Variants in SNX30 observed in about 807,000 individuals in gnomAD.
The protein encoded by SNX30 is sorting nexin-30.
In SNX30, 24 loss-of-function variants were observed where a neutral mutation model predicts 46.4. That is an observed-to-expected ratio of 0.52 (90% CI 0.37 to 0.73). The LOEUF (loss-of-function observed/expected upper bound fraction) is 0.73. Among genes scored for constraint, SNX30 ranks in the 30% least tolerant of loss-of-function variants. The pLI, the probability that SNX30 is intolerant of heterozygous loss-of-function variation, is 0.00. For synonymous variants in SNX30, 189 were observed against 211.5 expected (o/e 0.89, Z 0.92); for missense variants, 533 against 555.7 (o/e 0.96, Z 0.41).
At chr9:112,815,023 G>C (rs984551513) in intron 2 of SNX30, among the ~76,000 whole-genome samples, 4 of 152,180 alleles carry the variant, frequency 2.6e-5, no homozygotes, top group African/African-American at 9.7e-5. Context: ...CAGACAATGA[G>C]TAAATGAATG....
At chr9:112,761,287 C>T (rs547504268) in intron 1 of SNX30, among the ~76,000 whole-genome samples, 2 of 152,200 alleles carry the variant, frequency 1.3e-5, no homozygotes, top group Non-Finnish European at 2.9e-5. Flanking sequence ...CTCAGCCTCC[C>T]GAGTAGCTGG....
Position 112,836,284 on chromosome 9 carries a change from C to G in SNX30, c.689C>G (p.Thr230Ser), listed in dbSNP as rs925994105. 3 of 1,613,142 alleles carry G rather than the reference C, an allele frequency of 1.9e-6. No homozygotes were observed. The African/African-American group carries it at 4.0e-5, about 22-fold the overall frequency. Residue 230 changes from threonine (T) to serine (S), a missense_variant, in exon 5 of 9, where the codon ACT becomes AGT. Thr to Ser is a moderately conservative substitution (Grantham distance 58). Transcript: ENST00000374232. Reference sequence around the variant, plus strand: ...ATGGGCGAGTCAGTCAAGCACGTCACTGGCGGCTACAAGCTGAGGACTCGG... The same window carrying G: ...ATGGGCGAGTCAGTCAAGCACGTCAGTGGCGGCTACAAGCTGAGGACTCGG... ...TRMGESVKHV[T>S]GGYKLRTRPL...
At chr9:112,829,032 T>G (rs1262452253) in intron 3 of SNX30, among the ~76,000 whole-genome samples, 1 of 152,176 alleles carries the variant, frequency 6.6e-6, no homozygotes, top group Non-Finnish European at 1.5e-5. Context: ...ATCTGGCTGT[T>G]TTCATTTACC....
chr9:112,790,139 A>T (rs925776098), intron 1 of SNX30, among the ~76,000 whole-genome samples: 1 of 152,202 alleles, frequency 6.6e-6, no homozygotes, highest in Non-Finnish European at 1.5e-5. Context: ...ACTTCCTACT[A>T]ATAAGCAAGT....
rs558618219 is a variant in SNX30, at chr9:112,805,261, T to A, written c.348+294T>A. Reference sequence around the variant, plus strand: ...CATGATACTATTTAACATGTTAATATCATATTGCTTCTGAAATTTATGAAT... The same window carrying A: ...CATGATACTATTTAACATGTTAATAACATATTGCTTCTGAAATTTATGAAT... On this transcript the variant is annotated intron_variant, in intron 2 of 8. Coordinates refer to ENST00000374232, the MANE Select transcript of SNX30 (RefSeq NM_001012994.2). Among the ~76,000 whole-genome samples the A allele has an allele frequency of 5.3e-5, 8 of 152,240 alleles. 1 individual carries two copies. In the East Asian group the frequency reaches 1.2e-3, roughly 22 times the overall value.
chr9:112,804,687 T>C, intron 1 of SNX30, 89 bp from the exon 2 acceptor site: 1 of 1,192,924 alleles, frequency 8.4e-7, no homozygotes, highest in Admixed American at 2.4e-5. Flanking sequence ...GTTTTAGAAA[T>C]GTTTATTGGT....
intron 3 of SNX30, among the ~76,000 whole-genome samples, chr9:112,820,915 T>C (rs1334253972): frequency 6.6e-6 from 1 of 152,234 alleles, no homozygotes; most frequent in Non-Finnish European, 1.5e-5. Flanking sequence ...AATACCACAT[T>C]TTGTCTATTC....
chr9:112,864,244 C>G lies in SNX30; in HGVS notation c.1102-3C>G. 1 of 1,613,698 alleles carries G rather than the reference C, an allele frequency of 6.2e-7. No individual in the cohort carries two copies. The highest frequency in any genetic ancestry group is 8.5e-7 in the Non-Finnish European group (1 of 1,179,880). ...GGCACCCATGTGTGCCTCCCTTTTC[C>G]AGGTACCGGCGGACGTCGAGAAATG... On this transcript the variant is annotated splice_polypyrimidine_tract_variant and splice_region_variant and intron_variant, in intron 7 of 8. Transcript: ENST00000374232.
At chr9:112,845,919 C>T (rs1271983073) in intron 6 of SNX30, among the ~76,000 whole-genome samples, 3 of 152,032 alleles carry the variant, frequency 2.0e-5, no homozygotes, top group Non-Finnish European at 4.4e-5. Context: ...AGAAGAAAAA[C>T]CTATTGAATG....
At position 112,874,509 on chromosome 9, in the gene SNX30, C is replaced by A. The variant is rs1353591224; in HGVS notation, c.*5666C>A. ...TGTCATCTTATTTTTAAAAGTCATT[C>A]TTTACGTTTAAAATTTTAAAATAAA... On this transcript the variant is annotated 3_prime_UTR_variant, in exon 9 of 9. Coordinates refer to ENST00000374232, the MANE Select transcript of SNX30 (RefSeq NM_001012994.2). The A allele has an allele frequency of 5.9e-5, 9 of 152,186 alleles. No homozygotes were observed. Among genetic ancestry groups the A allele is most frequent in the African/African-American group, 1.4e-4 (6 of 41,442 alleles). 9.4% of individuals were successfully genotyped at this position (152,186 alleles called of 1,614,324 possible).
chr9:112,834,843 A>ACAAACACACAC (rs1840723275), intron 4 of SNX30, among the ~76,000 whole-genome samples: 2 of 78,320 alleles, frequency 2.6e-5, no homozygotes, highest in Non-Finnish European at 5.7e-5. Flanking sequence ...CACACACACA[A>ACAAACACACAC]ACACACACAC....
chr9:112,777,609 T>A (rs1244645320), intron 1 of SNX30, among the ~76,000 whole-genome samples: 1 of 129,992 alleles, frequency 7.7e-6, no homozygotes, highest in Non-Finnish European at 1.6e-5. Flanking sequence ...AATTTTTTTT[T>A]TTTTTTTTTT....
intron 4 of SNX30, among the ~76,000 whole-genome samples, chr9:112,834,968 C>T (rs1359938316): frequency 6.6e-6 from 1 of 151,852 alleles, no homozygotes; most frequent in Non-Finnish European, 1.5e-5. Flanking sequence ...CACGAGGTGC[C>T]TACACTCAGA....
At chr9:112,771,549 TCAGAAGGGTCCTTCTCCC>T (rs1839649152) in intron 1 of SNX30, among the ~76,000 whole-genome samples, 1 of 152,204 alleles carries the variant, frequency 6.6e-6, no homozygotes, top group Non-Finnish European at 1.5e-5. Flanking sequence ...CATTGCTGTG[TCAGAAGGGTCCTTCTCCC>T]AGCCTTCAAG....
chr9:112,822,521 T>C (rs1431279774), intron 3 of SNX30, among the ~76,000 whole-genome samples: 1 of 143,806 alleles, frequency 7.0e-6, no homozygotes, highest in Non-Finnish European at 1.5e-5. Context: ...TTTTCTTTTG[T>C]CCCTTTGCTG....
At chr9:112,765,014 G>C (rs921220483) in intron 1 of SNX30, among the ~76,000 whole-genome samples, 1 of 152,152 alleles carries the variant, frequency 6.6e-6, no homozygotes, top group Non-Finnish European at 1.5e-5. Flanking sequence ...CTTGGGTCAC[G>C]TGCCTACCTT....
At chr9:112,837,676 C>T (rs1327955321) in intron 5 of SNX30, among the ~76,000 whole-genome samples, 8 of 151,728 alleles carry the variant, frequency 5.3e-5, no homozygotes, top group African/African-American at 1.7e-4. Context: ...TGGGTTTCAC[C>T]ATGTTAGTCA....
intron 1 of SNX30, among the ~76,000 whole-genome samples, chr9:112,797,406 A>C (rs557094543): frequency 1.3e-5 from 2 of 152,238 alleles, no homozygotes; most frequent in Non-Finnish European, 1.5e-5. Context: ...ACCAGCTTCA[A>C]TGGTGATCAG....
intron 6 of SNX30, among the ~76,000 whole-genome samples, chr9:112,847,525 C>T (rs574230770): frequency 3.2e-4 from 48 of 151,636 alleles, no homozygotes; most frequent in African/African-American, 1.1e-3. Context: ...CAGTTTGTCT[C>T]AGACACAGTT....
Sources: allele counts gnomAD v4.1 joint callset (sites outside exome capture counted in the v4.1 genomes callset), GRCh38; gene constraint gnomAD v4.1.1; transcripts MANE v1.5; gene names NCBI Gene and HGNC (gene_info 2026-07-23, HGNC 2026-07-21).